ASCC2: variants seen among roughly 807,000 people sequenced by gnomAD.
The protein encoded by ASCC2 is ASC-1 complex subunit P100.
Under a neutral mutation model 93.5 loss-of-function variants are expected in ASCC2, and 42 were observed. The observed-to-expected ratio is 0.45, with a 90% CI of 0.35 to 0.58. The LOEUF is 0.58. Ranked by LOEUF, ASCC2 falls within the 20% of genes least tolerant of loss-of-function variation. The pLI is 0.00. For synonymous variants in ASCC2, 364 were observed against 384.2 expected, an observed-to-expected ratio of 0.95 and a Z score of 0.62; for missense variants, 859 against 977.6, an observed-to-expected ratio of 0.88 and a Z score of 1.62.
At chr22:29,824,579 C>G (rs2062042262) in intron 4 of ASCC2, among the ~76,000 whole-genome samples, 1 of 152,122 alleles carries the variant, frequency 6.6e-6, no homozygotes, top group Admixed American at 6.6e-5. Context: ...CACGCCACTG[C>G]ACTCCAGCCT....
chr22:29,808,991 A>T (rs36574), intron 8 of ASCC2, among the ~76,000 whole-genome samples: 64,146 of 151,148 alleles, frequency 0.42, 14,075 homozygotes, highest in East Asian at 0.58. Context: ...GTGGTGGTGC[A>T]CGCCTGTAAT....
Position 29,825,137 on chromosome 22 carries a change from G to A in ASCC2, c.361C>T (p.Arg121Ter). The change falls in exon 4 of 20, where the codon CGA becomes TGA. Residue 121 changes from arginine to a stop codon, truncating the protein, a stop_gained. Coordinates refer to ENST00000307790, the MANE Select transcript of ASCC2 (RefSeq NM_032204.5). LOFTEE classifies it high-confidence loss of function. This position sits in a 1 kb window ranked among gnomAD's most constrained non-coding sequence, Gnocchi z 4.9. ...EVVDMQKRLHRSVFLTFLRMS... is the reference protein window; with the variant it reads ...EVVDMQKRLH ...CGGAGGAAGGTGAGAAAAACACTTC[G>A]ATGGAGGCGCTTCTGCATGTCAACA... is the stretch of plus-strand genomic sequence containing the variant. 2.6e-6 allele frequency: 4 copies of A among 1,543,370 alleles called. No individual in the cohort carries two copies. Among genetic ancestry groups the A allele is most frequent in the South Asian group, 2.5e-5 (2 of 81,454 alleles).
chr22:29,793,639 C>A lies in ASCC2; in HGVS notation c.1726G>T (p.Asp576Tyr). ...KEENTRSLLN[D>Y]KRAVAAQRQR... Reference sequence around the variant, plus strand: ...CGCTGTGCCGCCACTGCACGCTTGTCGTTCAGCAAACTCCGCGTGTTTTCC... The same window carrying A: ...CGCTGTGCCGCCACTGCACGCTTGTAGTTCAGCAAACTCCGCGTGTTTTCC... Residue 576 changes from aspartate to tyrosine, a missense_variant, in exon 16 of 20, where the codon GAC (aspartate) becomes TAC (tyrosine). Physicochemically the swap from Asp to Tyr is radical, Grantham distance 160. Transcript: ENST00000307790. 1 of 1,597,100 alleles carries A rather than the reference C, an allele frequency of 6.3e-7. No homozygotes were observed. Among genetic ancestry groups the A allele is most frequent in the South Asian group, 1.1e-5 (1 of 89,046 alleles).
At chr22:29,819,519 C>T (rs1045653362) in intron 5 of ASCC2, among the ~76,000 whole-genome samples, 4 of 152,132 alleles carry the variant, frequency 2.6e-5, no homozygotes, top group Admixed American at 2.6e-4. Context: ...TATTAGTCTT[C>T]CCATTCTGCA....
chr22:29,813,232 A>G (rs1334006548), intron 8 of ASCC2, among the ~76,000 whole-genome samples, 198 bp downstream of exon 8: 3 of 152,114 alleles, frequency 2.0e-5, no homozygotes, highest in Non-Finnish European at 4.4e-5. Flanking sequence ...GGTCTTGGCC[A>G]AAAACAGGAG....
At chr22:29,820,185 C>T (rs249402) in intron 5 of ASCC2, among the ~76,000 whole-genome samples, 28,395 of 151,062 alleles carry the variant, frequency 0.19, 3,220 homozygotes, top group African/African-American at 0.32. Flanking sequence ...TTTTCTGAGA[C>T]GGAGTCTCGC....
intron 5 of ASCC2, among the ~76,000 whole-genome samples, chr22:29,817,415 C>T (rs1667293242): frequency 6.6e-6 from 1 of 152,144 alleles, no homozygotes; most frequent in Admixed American, 6.6e-5. Flanking sequence ...TTTCCCCCTT[C>T]CCTACACTAC....
At chr22:29,835,192 T>C (rs988924116) in intron 1 of ASCC2, among the ~76,000 whole-genome samples, 9 of 151,718 alleles carry the variant, frequency 5.9e-5, no homozygotes, top group Non-Finnish European at 1.2e-4. Flanking sequence ...AAGCCAGGAG[T>C]TTGAGACCAG....
chr22:29,806,850 C>T lies in ASCC2; in HGVS notation c.963G>A (p.Glu321=), dbSNP rs1315084382. The change falls in exon 10 of 20, where the codon GAG becomes GAA. Residue 321 remains glutamate, a synonymous_variant. Coordinates refer to ENST00000307790, the MANE Select transcript of ASCC2 (RefSeq NM_032204.5). ...TCTGGTTCAGGATGATGTGGAAAAT[C>T]TCCATTAGCTTCTTCCTGGAATGGG... The part of the protein sequence containing the change: ...RLSHSRKKLM[E]IFHIILNQIC... 2.5e-6 allele frequency: 4 copies of T among 1,613,956 alleles called. No individual in the cohort carries two copies. Among genetic ancestry groups the T allele is most frequent in the Non-Finnish European group, 3.4e-6 (4 of 1,179,994 alleles).
chr22:29,801,132 C>A, intron 14 of ASCC2, 22 bp from the exon 15 acceptor site: 1 of 1,576,786 alleles, frequency 6.3e-7, no homozygotes, highest in South Asian at 1.1e-5. Flanking sequence ...ACACAGAGAT[C>A]AATTTAAGGG....
intron 5 of ASCC2, among the ~76,000 whole-genome samples, chr22:29,817,227 A>C (rs73394824): frequency 6.6e-6 from 1 of 152,126 alleles, no homozygotes; most frequent in African/African-American, 2.4e-5. Flanking sequence ...TAACCTGTGA[A>C]GGTGTGCCCA....
chr22:29,806,317 T>C, intron 11 of ASCC2, 27 bp from the exon 12 acceptor site: 1 of 1,610,182 alleles, frequency 6.2e-7, no homozygotes, highest in South Asian at 1.1e-5. Flanking sequence ...GCAGATGGGA[T>C]GGACAGAGCT....
rs113225934 is a variant in ASCC2 at position 29,802,236 on chromosome 22, G to T, written c.1354-28C>A. 1.1e-3 allele frequency: 1,780 copies of T among 1,610,788 alleles called. 9 individuals are homozygous for T. The African/African-American group carries it at 0.017, about 15-fold the overall frequency. On this transcript the variant is annotated intron_variant, in intron 13 of 19. Coordinates refer to ENST00000307790, the MANE Select transcript of ASCC2 (RefSeq NM_032204.5). ...GTAGTGAGAGCCAGAGCCAAGAAGG[G>T]GAAGGCTAAGTGGGCCGGTGATAGG...
intron 13 of ASCC2, among the ~76,000 whole-genome samples, chr22:29,803,358 G>A (rs75190314): frequency 0.014 from 2,175 of 152,142 alleles, 46 homozygotes; most frequent in African/African-American, 0.048. Flanking sequence ...CTGGGCTACT[G>A]GCTGTGTGAC....
intron 13 of ASCC2, among the ~76,000 whole-genome samples, chr22:29,803,820 G>A (rs2059372840): frequency 6.6e-6 from 1 of 152,228 alleles, no homozygotes; most frequent in Non-Finnish European, 1.5e-5. Context: ...GTTCTCCAAG[G>A]CCCTGCAGGA....
At chr22:29,798,484 G>C (rs1383977112) in intron 15 of ASCC2, among the ~76,000 whole-genome samples, 1 of 152,188 alleles carries the variant, frequency 6.6e-6, no homozygotes, top group Non-Finnish European at 1.5e-5. Context: ...TGACCACGAA[G>C]TGAGGCCCCA....
intron 7 of ASCC2, 40 bp downstream of exon 7, chr22:29,814,617 G>T: frequency 1.3e-6 from 2 of 1,527,034 alleles, no homozygotes; most frequent in Non-Finnish European, 1.8e-6. Context: ...TGGTTGGAGG[G>T]ACCCGGCAGG....
Position 29,825,869 on chromosome 22 carries a change from G to A in ASCC2, c.82-89C>T, listed in dbSNP as rs1185510120. The A allele has an allele frequency of 5.2e-5, 75 of 1,454,624 alleles. No individual in the cohort carries two copies. The highest frequency in any genetic ancestry group is 6.6e-5 in the Non-Finnish European group (71 of 1,074,132). The allele number at this position is 1,454,624 out of a possible 1,614,324, so 90.1% of individuals were successfully genotyped here. A position where few individuals can be genotyped will look rare whatever the true frequency, so the allele number is the denominator to read the frequency against. ...CCCACAGCAATGACAACACTTGGCT[G>A]TTCCAACCGGTGACCCTCCAAGGAG... On this transcript the variant is annotated intron_variant, in intron 2 of 19. Transcript: ENST00000307790. The surrounding 1 kb of genome is among the most constrained non-coding windows in gnomAD (Gnocchi z 4.9).
At chr22:29,827,825 ACACACATACAC>A (rs1568953112) in intron 2 of ASCC2, among the ~76,000 whole-genome samples, 7 of 129,728 alleles carry the variant, frequency 5.4e-5, no homozygotes, top group African/African-American at 1.5e-4. Context: ...ACACACACAC[ACACACATACAC>A]CCAGACTACT....
Sources: allele counts gnomAD v4.1 joint callset (sites outside exome capture counted in the v4.1 genomes callset), GRCh38; gene constraint gnomAD v4.1.1; non-coding constraint Gnocchi (gnomAD v3.1); transcripts MANE v1.5; gene names NCBI Gene and HGNC (gene_info 2026-07-23, HGNC 2026-07-21).